ERC1: variants seen among roughly 807,000 people sequenced by gnomAD.
The protein encoded by ERC1 is ELKS/RAB6-interacting/CAST family member 1, also known as RAB6 interacting protein 2.
In ERC1, 56 loss-of-function variants were observed where a neutral mutation model predicts 132.0. The ratio of observed to expected loss-of-function variants is 0.42; its 90% confidence interval spans 0.34 to 0.53. The LOEUF (loss-of-function observed/expected upper bound fraction) is 0.53, where lower values mean the gene tolerates loss of function less well. ERC1 is among the 20% of genes least tolerant of loss of function. The probability of loss-of-function intolerance (pLI) is 0.03; values close to 1 mark genes in which losing one functional copy is unlikely to be tolerated. For synonymous variants in ERC1, 478 were observed against 476.1 expected (o/e 1.00, Z -0.05); for missense variants, 1,202 against 1,349.9 (o/e 0.89, Z 1.72).
Position 1,139,705 on chromosome 12 carries a change from A to AT in ERC1, c.1570-1902dup, listed in dbSNP as rs71687756. ...AAAGTAGTAAAGTAAAACAGGTATG[A>AT]TTTTTTTTTTTTTGAGGAGTTGATA... On this transcript the variant is annotated intron_variant, in intron 7 of 18. Coordinates refer to ENST00000360905, the MANE Select transcript of ERC1 (RefSeq NM_178040.4). Among the ~76,000 whole-genome samples the AT allele has an allele frequency of 7.3e-3, 1,069 of 146,354 alleles. 2 individuals carry two copies. Among genetic ancestry groups the AT allele is most frequent in the South Asian group, 0.011 (49 of 4,600 alleles).
chr12:1,304,313 G>A (rs2080662574), intron 15 of ERC1, among the ~76,000 whole-genome samples: 1 of 152,076 alleles, frequency 6.6e-6, no homozygotes, highest in African/African-American at 2.4e-5. Flanking sequence ...AGTGTTCCTA[G>A]GTCTCTTCCT....
At chr12:1,415,450 C>A (rs1184850392) in intron 17 of ERC1, among the ~76,000 whole-genome samples, 1 of 152,212 alleles carries the variant, frequency 6.6e-6, no homozygotes, top group Non-Finnish European at 1.5e-5. Flanking sequence ...AATATTAACA[C>A]AAACTTTTAA....
chr12:1,450,217 G>C (rs2093395303), intron 18 of ERC1, among the ~76,000 whole-genome samples: 1 of 152,040 alleles, frequency 6.6e-6, no homozygotes, highest in Admixed American at 6.6e-5. Context: ...ATTTTTACGT[G>C]CACAGTTCAG....
At chr12:1,156,517 G>A (rs1297947317) in intron 8 of ERC1, among the ~76,000 whole-genome samples, 3 of 152,122 alleles carry the variant, frequency 2.0e-5, no homozygotes, top group African/African-American at 7.2e-5. Context: ...GATTACATTT[G>A]TGAGCCACCA....
Position 1,141,708 on chromosome 12 carries a change from G to A in ERC1, c.1658G>A (p.Gly553Glu). The change falls in exon 8 of 19, where the codon GGG becomes GAG. Residue 553 changes from glycine to glutamate, a missense_variant. By Grantham distance (98) the Gly-to-Glu change is moderately conservative. Coordinates refer to ENST00000360905, the MANE Select transcript of ERC1 (RefSeq NM_178040.4). ...KQIQDMAEEK[G>E]TQAGEIHDLK... ...ATTCAGGATATGGCTGAAGAGAAGG[G>A]GACACAAGCTGGAGAGATACATGAC... 1 of 1,613,252 alleles carries A rather than the reference G, an allele frequency of 6.2e-7. No homozygotes were observed. The highest frequency in any genetic ancestry group is 8.5e-7 in the Non-Finnish European group (1 of 1,179,500).
At chr12:1,165,225 T>A (rs1289671107) in intron 8 of ERC1, among the ~76,000 whole-genome samples, 1 of 152,166 alleles carries the variant, frequency 6.6e-6, no homozygotes, top group African/African-American at 2.4e-5. Context: ...GTATTAGTGA[T>A]CTAACAAGAA....
At chr12:1,082,306 G>A (rs1942317776) in intron 2 of ERC1, among the ~76,000 whole-genome samples, 1 of 151,474 alleles carries the variant, frequency 6.6e-6, no homozygotes. Flanking sequence ...GATTACAGGC[G>A]TGAACCACCG....
At chr12:1,287,531 A>C (rs915538250) in intron 14 of ERC1, among the ~76,000 whole-genome samples, 1 of 152,214 alleles carries the variant, frequency 6.6e-6, no homozygotes, top group Non-Finnish European at 1.5e-5. Flanking sequence ...TTATCCAGTC[A>C]GTTAAAGGCC....
chr12:1,344,236 G>T (rs1002910328), intron 15 of ERC1, among the ~76,000 whole-genome samples: 1 of 152,056 alleles, frequency 6.6e-6, no homozygotes, highest in Admixed American at 6.6e-5. Flanking sequence ...GTTGGGGTGG[G>T]GTCTGTCATT....
At position 1,405,667 on chromosome 12, in the gene ERC1, C is replaced by T. The variant is rs144513025; in HGVS notation, c.2926-2482C>T. On this transcript the variant is annotated intron_variant, in intron 16 of 18. Transcript: ENST00000360905. ...GCAGTGAGCCAGGATCACGCCATTG[C>T]ACTCCAGTCTGGGTGACAGAGCAAG... 5.2e-3 allele frequency among the ~76,000 whole-genome samples: 793 copies of T among 152,252 alleles called. 9 individuals are homozygous for T. The highest frequency in any genetic ancestry group is 0.018 in the African/African-American group (732 of 41,546).
chr12:1,329,488 GT>G (rs2082713118), intron 15 of ERC1, among the ~76,000 whole-genome samples: 5 of 151,204 alleles, frequency 3.3e-5, no homozygotes, highest in Admixed American at 6.6e-5. Context: ...ATAATATATT[GT>G]TTTACGTTTT....
intron 16 of ERC1, among the ~76,000 whole-genome samples, chr12:1,376,270 T>C (rs1470237656): frequency 6.6e-6 from 1 of 152,246 alleles, no homozygotes; most frequent in Non-Finnish European, 1.5e-5. Flanking sequence ...AATTCTAATA[T>C]GTCTTTCTTA....
rs939537759 is a variant in ERC1, at chr12:1,164,436, G to T, written c.1738-16104G>T. Among the ~76,000 whole-genome samples the T allele has an allele frequency of 2.0e-5, 3 of 152,052 alleles. No individual in the cohort carries two copies. In the East Asian group the frequency reaches 5.8e-4, roughly 29 times the overall value. ...CAGCTCACTGCAAGCTCTGCCTCCC[G>T]GGTTCACACCATTCTCCTGCCTCAG... On this transcript the variant is annotated intron_variant, in intron 8 of 18. Coordinates refer to ENST00000360905, the MANE Select transcript of ERC1 (RefSeq NM_178040.4).
At position 1,319,242 on chromosome 12, in the gene ERC1, T is replaced by A. The variant is rs2081961630; in HGVS notation, c.2780+29230T>A. ...TGATACTATCCAGTTCTGCTAAGAG[T>A]GAAACTTTAAGAATAAAATTTGATT... On this transcript the variant is annotated intron_variant, in intron 15 of 18. Coordinates refer to ENST00000360905, the MANE Select transcript of ERC1 (RefSeq NM_178040.4). Among the ~76,000 whole-genome samples the A allele has an allele frequency of 2.0e-5, 3 of 152,298 alleles. No homozygotes were observed. In the South Asian group the frequency reaches 6.2e-4, roughly 32 times the overall value.
intron 13 of ERC1, among the ~76,000 whole-genome samples, chr12:1,252,523 A>G (rs901697720): frequency 1.3e-5 from 2 of 152,202 alleles, no homozygotes; most frequent in African/African-American, 4.8e-5. Flanking sequence ...TGTATGGGAT[A>G]TTTGTACTCT....
chr12:1,202,958 A>G (rs1330066864), intron 12 of ERC1, among the ~76,000 whole-genome samples: 1 of 152,240 alleles, frequency 6.6e-6, no homozygotes, highest in Non-Finnish European at 1.5e-5. Flanking sequence ...TCTGCATTTT[A>G]CACAGCGTTA....
chr12:1,492,492 G>C lies in ERC1; in HGVS notation c.*2262G>C, dbSNP rs747469664. On this transcript the variant is annotated 3_prime_UTR_variant, in exon 19 of 19. Coordinates refer to ENST00000360905, the MANE Select transcript of ERC1 (RefSeq NM_178040.4). ...CTGCTCTCTCCAAGCAGGTGGCCCA[G>C]ATCCCACCCACGTGGACTTTCTCAT... The C allele has an allele frequency of 8.6e-6, 2 of 233,172 alleles. No individual in the cohort carries two copies. Among genetic ancestry groups the C allele is most frequent in the Non-Finnish European group, 8.5e-6 (1 of 118,074 alleles). 14.4% of individuals were successfully genotyped at this position (233,172 alleles called of 1,614,324 possible). A position where few individuals can be genotyped will look rare whatever the true frequency, so the allele number is the denominator to read the frequency against.
At chr12:1,054,314 A>G (rs1359979435) in intron 2 of ERC1, among the ~76,000 whole-genome samples, 3 of 152,174 alleles carry the variant, frequency 2.0e-5, no homozygotes, top group Admixed American at 2.0e-4. Context: ...GCCTGGGTAT[A>G]TTATGTAGTA....
intron 7 of ERC1, among the ~76,000 whole-genome samples, chr12:1,121,919 A>C (rs752106559): frequency 2.1e-4 from 1 of 4,830 alleles, no homozygotes; most frequent in Non-Finnish European, 9.3e-4. Context: ...CTCTATCTCT[A>C]TCTCTATCTG....
Sources: gnomAD v4.1 joint callset for allele counts (sites outside exome capture counted in the v4.1 genomes callset) on GRCh38, gnomAD v4.1.1 for gene constraint, MANE v1.5 for transcripts, NCBI Gene and HGNC (gene_info 2026-07-23, HGNC 2026-07-21) for gene names.